Variants in COL12A1 observed in about 807,000 individuals in gnomAD.
COL12A1 encodes the protein collagen alpha-1(XII) chain.
In COL12A1, 114 loss-of-function variants were observed where a neutral mutation model predicts 349.7. The observed-to-expected ratio is 0.33, with a 90% CI of 0.28 to 0.38. COL12A1 has a LOEUF of 0.38. COL12A1 is among the 10% of genes least tolerant of loss of function. COL12A1 has a pLI of 1.00. For missense variants in COL12A1, 3,284 were observed against 3,756.9 expected, an observed-to-expected ratio of 0.87 and a Z score of 3.29; for synonymous variants, 1,369 against 1,329.0, an observed-to-expected ratio of 1.03 and a Z score of -0.66.
intron 52 of COL12A1, 115 bp downstream of exon 52, chr6:75,108,903 C>T (rs1484915719): frequency 8.0e-6 from 9 of 1,122,054 alleles, no homozygotes; most frequent in Non-Finnish European, 3.9e-6. Context: ...AGAAATTTGA[C>T]AACTTAAAAC....
At position 75,154,484 on chromosome 6, in the gene COL12A1, C is replaced by A. The variant is rs1767654089; in HGVS notation, c.3497G>T (p.Ser1166Ile). The change falls in exon 17 of 66, where the codon AGC becomes ATC. Residue 1166 changes from serine (S) to isoleucine (I), a missense_variant. Transcript: ENST00000322507. ...CATTTCTTGTCCAACAAGTGGTGAGCTTTCTCCTCCATCAAACATTCCAAA... is the reference window on the plus strand; with the variant it reads ...CATTTCTTGTCCAACAAGTGGTGAGATTTCTCCTCCATCAAACATTCCAAA... ...NVFGMFDGGE[S>I]SPLVGQEMTT... 1 of 1,611,730 alleles carries A rather than the reference C, an allele frequency of 6.2e-7. No individual in the cohort carries two copies. Among genetic ancestry groups the A allele is most frequent in the Non-Finnish European group, 8.5e-7 (1 of 1,178,506 alleles).
chr6:75,133,395 C>T lies in COL12A1; in HGVS notation c.5692G>A (p.Ala1898Thr), dbSNP rs2149387306. 2.0e-5 allele frequency: 33 copies of T among 1,611,968 alleles called. No homozygotes were observed. The highest frequency in any genetic ancestry group is 2.7e-5 in the Non-Finnish European group (32 of 1,179,112). The change falls in exon 34 of 66, where the codon GCC (alanine) becomes ACC (threonine). Residue 1898 changes from alanine to threonine, a missense_variant. Around this residue, in one of 2 missense-constraint regions of COL12A1, gnomAD observed 2,601 missense variants for 2,824.8 expected, o/e 0.92. Coordinates refer to ENST00000322507, the MANE Select transcript of COL12A1 (RefSeq NM_004370.6). ...LVPIPGNTNY[A>T]ILRNLQPDTS... ...TCTGGCTGCAGATTCCTAAGAATGG[C>T]ATAATTGGTATTCCCGGGGATTGGT...
chr6:75,185,860 C>T (rs942803074), intron 8 of COL12A1, among the ~76,000 whole-genome samples: 2 of 152,096 alleles, frequency 1.3e-5, no homozygotes, highest in Non-Finnish European at 2.9e-5. Context: ...AAAACAAGCA[C>T]TGGGGAAAGG....
chr6:75,133,769 G>A, intron 33 of COL12A1, 89 bp downstream of exon 33: 2 of 1,476,686 alleles, frequency 1.4e-6, no homozygotes, highest in South Asian at 2.4e-5. Context: ...CAGCTCTAAA[G>A]CAAACTGGTT....
chr6:75,172,529 T>C (rs922624864), intron 13 of COL12A1, among the ~76,000 whole-genome samples: 4 of 152,144 alleles, frequency 2.6e-5, no homozygotes, highest in Non-Finnish European at 5.9e-5. Flanking sequence ...GAGTGAAAGT[T>C]TGTCCTCTAA....
chr6:75,130,337 T>C, intron 36 of COL12A1, 104 bp from the exon 37 acceptor site: 1 of 1,091,650 alleles, frequency 9.2e-7, no homozygotes. Flanking sequence ...TTCACTCAGA[T>C]GTTTCCTCCC....
chr6:75,119,265 A>T (rs1196189160), intron 45 of COL12A1, 79 bp from the exon 46 acceptor site: 11 of 1,609,188 alleles, frequency 6.8e-6, no homozygotes, highest in African/African-American at 1.3e-5. Flanking sequence ...CCCAACTGAT[A>T]AGAATCTGGA....
intron 52 of COL12A1, among the ~76,000 whole-genome samples, chr6:75,107,661 C>G (rs1228121871): frequency 2.0e-5 from 3 of 152,190 alleles, no homozygotes; most frequent in Admixed American, 6.5e-5. Flanking sequence ...AATTGATGCT[C>G]TTCTTTTTAG....
In COL12A1 at chr6:75,145,343, G is replaced by A. The variant is rs1354069968; in HGVS notation, c.4673C>T (p.Thr1558Ile). Residue 1558 changes from threonine to isoleucine, a missense_variant, in exon 25 of 66, where the codon ACT becomes ATT. Thr to Ile is a moderately conservative substitution (Grantham distance 89). This residue lies in a region of COL12A1 where 2,601 missense variants were observed against 2,824.8 expected (regional missense o/e 0.92). Coordinates refer to ENST00000322507, the MANE Select transcript of COL12A1 (RefSeq NM_004370.6). ...VLHDLTSEPV[T>I]VREVTLPLPR... Reference sequence around the variant, plus strand: ...TAGCTTACAGGTGACTTCCCGAACAGTGACAGGTTCACTAGTGAGGTCGTG... The same window carrying A: ...TAGCTTACAGGTGACTTCCCGAACAATGACAGGTTCACTAGTGAGGTCGTG... The A allele has an allele frequency of 6.2e-7, 1 of 1,611,158 alleles. No individual in the cohort carries two copies. The highest frequency in any genetic ancestry group is 8.5e-7 in the Non-Finnish European group (1 of 1,177,896).
Position 75,175,107 on chromosome 6 carries a change from A to G in COL12A1, c.2641T>C (p.Leu881=). 1 of 1,614,138 alleles carries G rather than the reference A, an allele frequency of 6.2e-7. No individual in the cohort carries two copies. Among genetic ancestry groups the G allele is most frequent in the Non-Finnish European group, 8.5e-7 (1 of 1,180,026 alleles). ...GACGCATACAAGGCTGTCACAGATA[A>G]GGCGTATTGTGTCCCTTCCTTCAAT... ...QGLKEGTQYA[L]SVTALYASGA... The change falls in exon 13 of 66, where the codon TTA becomes CTA. Residue 881 remains leucine, a synonymous_variant. Transcript: ENST00000322507.
intron 34 of COL12A1, 42 bp from the exon 35 acceptor site, chr6:75,132,124 A>G: frequency 6.2e-7 from 1 of 1,604,656 alleles, no homozygotes; most frequent in Non-Finnish European, 8.5e-7. Context: ...AAGTCTGTTT[A>G]TATATCTCAA....
intron 40 of COL12A1, 101 bp from the exon 41 acceptor site, chr6:75,124,472 A>T: frequency 1.2e-6 from 1 of 848,272 alleles, no homozygotes; most frequent in Non-Finnish European, 1.8e-6. Context: ...GGCTAAAAAA[A>T]AGTTCAAAAT....
At position 75,175,085 on chromosome 6, in the gene COL12A1, G is replaced by C. The variant is rs777386471; in HGVS notation, c.2663C>G (p.Ala888Gly). The C allele has an allele frequency of 6.2e-6, 10 of 1,614,096 alleles. No homozygotes were observed. Among genetic ancestry groups the C allele is most frequent in the Non-Finnish European group, 8.5e-6 (10 of 1,180,014 alleles). ...QYALSVTALY[A>G]SGAGDALFGE... ...AAAGAGGGCGTCTCCAGCCCCAGAC[G>C]CATACAAGGCTGTCACAGATAAGGC... The change falls in exon 13 of 66, where the codon GCG becomes GGG. Residue 888 changes from alanine to glycine, a missense_variant. Physicochemically the swap from Ala to Gly is moderately conservative, Grantham distance 60 (BLOSUM62 0). Around this residue, in one of 2 missense-constraint regions of COL12A1, gnomAD observed 2,601 missense variants for 2,824.8 expected, o/e 0.92. Coordinates refer to ENST00000322507, the MANE Select transcript of COL12A1 (RefSeq NM_004370.6).
At chr6:75,138,602 C>T (rs753759307) in intron 28 of COL12A1, 22 bp from the exon 29 acceptor site, 7 of 1,610,494 alleles carry the variant, frequency 4.3e-6, no homozygotes, top group Admixed American at 3.4e-5. Context: ...AGGACAAAAA[C>T]ATACCCACGC....
At chr6:75,180,537 AAAT>A (rs1582190546) in intron 11 of COL12A1, among the ~76,000 whole-genome samples, 1 of 150,444 alleles carries the variant, frequency 6.6e-6, no homozygotes, top group East Asian at 1.9e-4. Flanking sequence ...AAAAGAAAAT[AAAT>A]AATTTATAAT....
intron 54 of COL12A1, 68 bp from the exon 55 acceptor site, chr6:75,103,878 C>A: frequency 1.5e-6 from 2 of 1,315,806 alleles, no homozygotes; most frequent in African/African-American, 1.5e-5. Context: ...TACAAAAAGT[C>A]CTTCAAGAAA....
rs79633796 is a variant in COL12A1 at position 75,184,278 on chromosome 6, G to T, written c.998-134C>A. On this transcript the variant is annotated intron_variant, in intron 8 of 65. Transcript: ENST00000322507. The stretch of plus-strand genomic sequence containing the variant: ...CATTGAAAAGAGTTGCCCAATACCC[G>T]CCTCAGTCCCCAATTTCACATGTCC... 3.3e-3 allele frequency: 3,124 copies of T among 948,016 alleles called. 67 individuals are homozygous for T. In the African/African-American group the frequency reaches 0.046, roughly 14 times the overall value. The allele number at this position is 948,016 out of a possible 1,614,324, so 58.7% of individuals were successfully genotyped here.
intron 14 of COL12A1, among the ~76,000 whole-genome samples, chr6:75,159,385 C>T (rs112112874): frequency 6.4e-4 from 94 of 146,646 alleles, no homozygotes; most frequent in African/African-American, 1.9e-3. Context: ...TCTCCAGGTA[C>T]GTGAACTATT....
intron 8 of COL12A1, among the ~76,000 whole-genome samples, chr6:75,184,668 T>C (rs1769513866): frequency 6.6e-6 from 1 of 152,162 alleles, no homozygotes; most frequent in Non-Finnish European, 1.5e-5. Context: ...TTATTTTCAC[T>C]AGTTTCAGGG....
Sources: allele counts gnomAD v4.1 joint callset (sites outside exome capture counted in the v4.1 genomes callset), GRCh38; gene constraint gnomAD v4.1.1; regional missense constraint gnomAD v4.1.1; transcripts MANE v1.5; gene names NCBI Gene and HGNC (gene_info 2026-07-23, HGNC 2026-07-21).